SEL1L3: variants seen among roughly 807,000 people sequenced by gnomAD.
SEL1L3 encodes protein sel-1 homolog 3.
In SEL1L3, 76 loss-of-function variants were observed where a neutral mutation model predicts 142.8. That is an observed-to-expected ratio of 0.53 (90% CI 0.44 to 0.64). SEL1L3 has a LOEUF of 0.64. Ranked by LOEUF, SEL1L3 falls within the 30% of genes least tolerant of loss-of-function variation. The probability of loss-of-function intolerance (pLI) is 0.00; values close to 1 mark genes in which losing one functional copy is unlikely to be tolerated. For synonymous variants in SEL1L3, 504 were observed against 519.6 expected, an observed-to-expected ratio of 0.97 and a Z score of 0.41; for missense variants, 1,262 against 1,381.7, an observed-to-expected ratio of 0.91 and a Z score of 1.37.
At chr4:25,770,739 C>CAAAAAAAAAAAA in intron 17 of SEL1L3, among the ~76,000 whole-genome samples, 1 of 97,380 alleles carries the variant, frequency 1.0e-5, no homozygotes, top group East Asian at 3.4e-4. Context: ...GACTCTGTCT[C>CAAAAAAAAAAAA]AAAAAAAAAA....
chr4:25,852,659 T>C (rs147501736), intron 1 of SEL1L3, among the ~76,000 whole-genome samples: 117 of 152,338 alleles, frequency 7.7e-4, no homozygotes, highest in Non-Finnish European at 1.4e-3. Flanking sequence ...AATAAGACAT[T>C]TGCTTATTTT....
In SEL1L3 at chr4:25,796,239, C is replaced by T. The variant is rs116038367; in HGVS notation, c.1957-5665G>A. ...ATGCTGACATGCCTTTCATTCCAGT[C>T]AGCCTGCAGGCCACAGAGGGCGGTG... On this transcript the variant is annotated intron_variant, in intron 11 of 23. Coordinates refer to ENST00000399878, the MANE Select transcript of SEL1L3 (RefSeq NM_015187.5). Among the ~76,000 whole-genome samples the T allele has an allele frequency of 4.6e-3, 707 of 152,230 alleles. 6 individuals carry two copies. The highest frequency in any genetic ancestry group is 0.016 in the African/African-American group (670 of 41,536).
the SEL1L3 span, among the ~76,000 whole-genome samples, chr4:25,714,475 GCTTT>G: frequency 7.6e-5 from 10 of 131,634 alleles, no homozygotes; most frequent in African/African-American, 2.6e-4. Context: ...AAATAAAATT[GCTTT>G]CTTTCTTTCT....
intron 1 of SEL1L3, among the ~76,000 whole-genome samples, chr4:25,861,630 CTTT>C (rs143198162): frequency 4.4e-5 from 6 of 135,450 alleles, no homozygotes; most frequent in Non-Finnish European, 3.2e-5. Context: ...TGACACTGCT[CTTT>C]TTTTTTTTTT....
intron 6 of SEL1L3, among the ~76,000 whole-genome samples, chr4:25,826,992 G>A (rs1397334440): frequency 6.6e-6 from 1 of 152,154 alleles, no homozygotes; most frequent in African/African-American, 2.4e-5. Flanking sequence ...CTAAGAAATT[G>A]TTTCAATGCT....
At chr4:25,776,658 T>C (rs1719652898) in intron 16 of SEL1L3, 1 of 282,866 alleles carries the variant, frequency 3.5e-6, no homozygotes, top group Admixed American at 4.9e-5. Context: ...AGAGTTCTAG[T>C]ACTCTATTAA....
In SEL1L3 at chr4:25,847,363, G is replaced by A. The variant is rs751657359; in HGVS notation, c.664C>T (p.Leu222Phe). Reference protein sequence around the residue: ...ERPFKDHQVCLEWNMGYIWNL... With the variant: ...ERPFKDHQVCFEWNMGYIWNL... Reference sequence around the variant, plus strand: ...CAAATATAACCCATGTTCCACTCAAGGCACACTTGATGATCTTTGAAAGGG... The same window carrying A: ...CAAATATAACCCATGTTCCACTCAAAGCACACTTGATGATCTTTGAAAGGG... Residue 222 changes from leucine to phenylalanine, a missense_variant, in exon 2 of 24, where the codon CTT becomes TTT. Physicochemically the swap from Leu to Phe is conservative, Grantham distance 22 (BLOSUM62 0). Around this residue, in one of 3 missense-constraint regions of SEL1L3, gnomAD observed 689 missense variants for 692.8 expected, o/e 0.99. Transcript: ENST00000399878. 1.2e-6 allele frequency: 2 copies of A among 1,613,988 alleles called. No homozygotes were observed. The highest frequency in any genetic ancestry group is 2.2e-5 in the South Asian group (2 of 91,084).
intron 2 of SEL1L3, among the ~76,000 whole-genome samples, chr4:25,836,381 T>A (rs1715818676): frequency 6.6e-6 from 1 of 152,154 alleles, no homozygotes; most frequent in African/African-American, 2.4e-5. Flanking sequence ...GCGTGGTGGC[T>A]CACACCTGTA....
intron 11 of SEL1L3, among the ~76,000 whole-genome samples, chr4:25,796,448 T>C (rs1350017019): frequency 6.6e-6 from 1 of 150,814 alleles, no homozygotes; most frequent in African/African-American, 2.4e-5. Context: ...AAAAAAAAAA[T>C]ATGTGTGTGT....
At chr4:25,807,824 G>T (rs976249100) in intron 9 of SEL1L3, among the ~76,000 whole-genome samples, 5 of 152,014 alleles carry the variant, frequency 3.3e-5, no homozygotes, top group Non-Finnish European at 5.9e-5. Flanking sequence ...CCTTCACAAA[G>T]CTCAAATCTT....
chr4:25,776,373 A>AT lies in SEL1L3; in HGVS notation c.2586-14_2586-13insA, dbSNP rs760366026. ...ATGTTTTGCCCATCTGAAAAAAAAA[A>AT]GGGAAGAGAAAATACGCAAACCATG... On this transcript the variant is annotated splice_polypyrimidine_tract_variant and intron_variant, in intron 16 of 23. Coordinates refer to ENST00000399878, the MANE Select transcript of SEL1L3 (RefSeq NM_015187.5). 2.5e-6 allele frequency: 4 copies of AT among 1,582,288 alleles called. No homozygotes were observed. Among genetic ancestry groups the AT allele is most frequent in the Non-Finnish European group, 3.5e-6 (4 of 1,153,234 alleles).
At chr4:25,772,676 A>G (rs1004521190) in intron 17 of SEL1L3, among the ~76,000 whole-genome samples, 1 of 152,228 alleles carries the variant, frequency 6.6e-6, no homozygotes, top group African/African-American at 2.4e-5. Flanking sequence ...AAAAAAAGAA[A>G]AGAAAGAGAA....
At chr4:25,851,941 C>T (rs535051066) in intron 1 of SEL1L3, among the ~76,000 whole-genome samples, 2 of 148,398 alleles carry the variant, frequency 1.3e-5, no homozygotes, top group Non-Finnish European at 3.0e-5. Context: ...CTGCAAATGG[C>T]AGAGGGAATA....
rs536844381 is a variant in SEL1L3 at position 25,829,964 on chromosome 4, G to C, written c.1157+134C>G. ...AAAAAAAGTACAAAGACTAGCTACA[G>C]GGCAGAGAATAATCCATGCTTGGAA... On this transcript the variant is annotated intron_variant, in intron 6 of 23. Coordinates refer to ENST00000399878, the MANE Select transcript of SEL1L3 (RefSeq NM_015187.5). The C allele has an allele frequency of 1.8e-4, 115 of 651,894 alleles. 1 individual carries two copies. Among genetic ancestry groups the C allele is most frequent in the Non-Finnish European group, 2.4e-4 (86 of 362,460 alleles). 40.4% of individuals were successfully genotyped at this position (651,894 alleles called of 1,614,324 possible).
intron 7 of SEL1L3, among the ~76,000 whole-genome samples, chr4:25,820,511 C>A (rs537336232): frequency 6.6e-6 from 1 of 152,222 alleles, no homozygotes; most frequent in Non-Finnish European, 1.5e-5. Context: ...CGAAAGGGAG[C>A]GCCTCAGGAA....
intron 11 of SEL1L3, among the ~76,000 whole-genome samples, chr4:25,792,185 C>T (rs1577610798): frequency 6.6e-6 from 1 of 152,140 alleles, no homozygotes; most frequent in Non-Finnish European, 1.5e-5. Context: ...GTTTGAGATA[C>T]GTGGTATTTT....
At chr4:25,849,312 T>C (rs1318068339) in intron 1 of SEL1L3, among the ~76,000 whole-genome samples, 1 of 151,752 alleles carries the variant, frequency 6.6e-6, no homozygotes, top group South Asian at 2.1e-4. Flanking sequence ...GTAGAAAAAA[T>C]GTGGTATATA....
At chr4:25,803,471 G>A (rs780435638) in intron 10 of SEL1L3, among the ~76,000 whole-genome samples, 88 of 152,190 alleles carry the variant, frequency 5.8e-4, no homozygotes, top group Admixed American at 8.5e-4. Context: ...ATTTGAAAAC[G>A]AAAAGCAATC....
At position 25,804,732 on chromosome 4, in the gene SEL1L3, A is replaced by T. The variant is rs1713440108; in HGVS notation, c.1585T>A (p.Ser529Thr). ...LLTVPRNQNESVSEIGGKIFE... is the reference protein window; with the variant it reads ...LLTVPRNQNETVSEIGGKIFE... ...ATCTTCCCACCGATTTCTGATACAG[A>T]TTCATTTTGGTTCCTTGGCACTGTA... The change falls in exon 10 of 24, where the codon TCT (serine) becomes ACT (threonine). Residue 529 changes from serine (S) to threonine (T), a missense_variant. By Grantham distance (58) the Ser-to-Thr change is moderately conservative. Around this residue, in one of 3 missense-constraint regions of SEL1L3, gnomAD observed 689 missense variants for 692.8 expected, o/e 0.99. Transcript: ENST00000399878. 1.2e-6 allele frequency: 2 copies of T among 1,613,186 alleles called. No individual in the cohort carries two copies. The highest frequency in any genetic ancestry group is 4.5e-5 in the East Asian group (2 of 44,886).
Sources: allele counts gnomAD v4.1 joint callset (sites outside exome capture counted in the v4.1 genomes callset), GRCh38; gene constraint gnomAD v4.1.1; regional missense constraint gnomAD v4.1.1; transcripts MANE v1.5; gene names NCBI Gene and HGNC (gene_info 2026-07-23, HGNC 2026-07-21).